Variants in RGSL1 observed in about 807,000 individuals in gnomAD.
RGSL1 encodes regulator of G protein signaling like 1.
RGSL1 carries 97 observed loss-of-function variants against 124.7 expected under a neutral mutation model. That is an observed-to-expected ratio of 0.78 (90% confidence interval 0.66 to 0.92). The LOEUF (loss-of-function observed/expected upper bound fraction) is 0.92. Ranked by LOEUF, RGSL1 falls within the 40% of genes least tolerant of loss-of-function variation. RGSL1 has a pLI of 0.00. For missense variants in RGSL1, 1,233 were observed against 1,288.4 expected, an observed-to-expected ratio of 0.96 and a Z score of 0.66; for synonymous variants, 424 against 438.1, an observed-to-expected ratio of 0.97 and a Z score of 0.40.
Position 182,543,314 on chromosome 1 carries a change from C to T in RGSL1, c.2669+2893C>T, listed in dbSNP as rs544256247. The stretch of plus-strand genomic sequence containing the variant: ...ATCATCTATTGAAATGATCATATGA[C>T]TCTTATTCTTGATTCTGTTAATGTG... On this transcript the variant is annotated intron_variant, in intron 15 of 21. Coordinates refer to ENST00000294854, the MANE Select transcript of RGSL1 (RefSeq NM_001137669.2). Among the ~76,000 whole-genome samples, 13 of 152,068 alleles carry T rather than the reference C, an allele frequency of 8.5e-5. No homozygotes were observed. The East Asian group carries it at 2.5e-3, about 29-fold the overall frequency.
At chr1:182,533,698 CAGGGTT>C (rs1659350121) in intron 14 of RGSL1, among the ~76,000 whole-genome samples, 1 of 152,134 alleles carries the variant, frequency 6.6e-6, no homozygotes, top group Non-Finnish European at 1.5e-5. Flanking sequence ...TTCTATTTCA[CAGGGTT>C]ATTAGAACTA....
rs1658851394 is a variant in RGSL1, at chr1:182,527,691, A to G, written c.2044A>G (p.Ser682Gly). 6.4e-7 allele frequency: 1 copy of G among 1,551,362 alleles called. No individual in the cohort carries two copies. The highest frequency in any genetic ancestry group is 2.0e-5 in the Admixed American group (1 of 50,982). ...ATTTCTCACAGCTGTACAGAAGATCAGTATAGAGACCAATGAAAAGATTTG... is the reference window on the plus strand; with the variant it reads ...ATTTCTCACAGCTGTACAGAAGATCGGTATAGAGACCAATGAAAAGATTTG... The part of the protein sequence containing the change: ...LQFLTAVQKI[S>G]IETNEKICKS... The change falls in exon 11 of 22, where the codon AGT becomes GGT. Residue 682 changes from serine (S) to glycine (G), a missense_variant. Ser to Gly is a moderately conservative substitution (Grantham distance 56, BLOSUM62 0). Coordinates refer to ENST00000294854, the MANE Select transcript of RGSL1 (RefSeq NM_001137669.2).
At position 182,474,273 on chromosome 1, in the gene RGSL1, C is replaced by G; in HGVS notation, c.1162C>G (p.Leu388Val). The change falls in exon 6 of 22, where the codon CTG (leucine) becomes GTG (valine). Residue 388 changes from leucine (L) to valine (V), a missense_variant. Leu to Val is a conservative substitution (Grantham distance 32). Transcript: ENST00000294854. ...TGCAGGGAACCCTTTCCGGGACCAC[C>G]TGAAGAAGCTGAATTTGAAAGTGGA... ...ACAGNPFRDH[L>V]KKLNLKVEIQ... 1 of 1,551,782 alleles carries G rather than the reference C, an allele frequency of 6.4e-7. No individual in the cohort carries two copies. The highest frequency in any genetic ancestry group is 8.7e-7 in the Non-Finnish European group (1 of 1,147,000).
Position 182,527,781 on chromosome 1 carries a change from C to A in RGSL1, c.2125+9C>A. 6.5e-7 allele frequency: 1 copy of A among 1,542,788 alleles called. No homozygotes were observed. The highest frequency in any genetic ancestry group is 8.8e-7 in the Non-Finnish European group (1 of 1,141,500). ...AGGCCAACTCTCTCCTGGTATGCATCCTCTTCTGATCCTGTTTTCTCTCTC... is the reference window on the plus strand; with the variant it reads ...AGGCCAACTCTCTCCTGGTATGCATACTCTTCTGATCCTGTTTTCTCTCTC... On this transcript the variant is annotated intron_variant, in intron 11 of 21. Coordinates refer to ENST00000294854, the MANE Select transcript of RGSL1 (RefSeq NM_001137669.2).
rs557422445 is a variant in RGSL1 at position 182,539,997 on chromosome 1, G to A, written c.2495-250G>A. Among the ~76,000 whole-genome samples, 3 of 152,288 alleles carry A rather than the reference G, an allele frequency of 2.0e-5. No individual in the cohort carries two copies. In the South Asian group the frequency reaches 6.2e-4, roughly 32 times the overall value. On this transcript the variant is annotated intron_variant, in intron 14 of 21. Coordinates refer to ENST00000294854, the MANE Select transcript of RGSL1 (RefSeq NM_001137669.2). Reference sequence around the variant, plus strand: ...TTAGGGATTAGCGTAACTGTGGTGTGCTTCTATTTCTATTAGATAAGCACC... The same window carrying A: ...TTAGGGATTAGCGTAACTGTGGTGTACTTCTATTTCTATTAGATAAGCACC...
chr1:182,532,093 C>T (rs1228459204), intron 13 of RGSL1, among the ~76,000 whole-genome samples: 2 of 152,118 alleles, frequency 1.3e-5, no homozygotes, highest in African/African-American at 4.8e-5. Flanking sequence ...CTTTCTGGCT[C>T]TAAGTATCAA....
intron 8 of RGSL1, among the ~76,000 whole-genome samples, chr1:182,490,879 C>A (rs1268024720): frequency 6.6e-6 from 1 of 151,890 alleles, no homozygotes; most frequent in Non-Finnish European, 1.5e-5. Flanking sequence ...TCAAGCTGTA[C>A]CCTAAACTCA....
At chr1:182,450,213 A>C (rs1571442088) in intron 1 of RGSL1, 35 bp downstream of exon 1, 2 of 1,551,660 alleles carry the variant, frequency 1.3e-6, no homozygotes, top group South Asian at 1.2e-5. Context: ...CAAGGCCTTG[A>C]GTCTCTCAAA....
intron 6 of RGSL1, among the ~76,000 whole-genome samples, chr1:182,485,217 T>C (rs1014057715): frequency 6.6e-6 from 1 of 152,196 alleles, no homozygotes; most frequent in Non-Finnish European, 1.5e-5. Context: ...GGTCCCCAGC[T>C]GATCCAGGCT....
chr1:182,488,277 G>C lies in RGSL1; in HGVS notation c.1432-8G>C. The C allele has an allele frequency of 6.4e-7, 1 of 1,552,092 alleles. No individual in the cohort carries two copies. The stretch of plus-strand genomic sequence containing the variant: ...CCTCATAATGCATATGCTGTGTTTG[G>C]TTTTCAGATGCTCAGTCCCTGGTAT... On this transcript the variant is annotated splice_polypyrimidine_tract_variant and splice_region_variant and intron_variant, in intron 6 of 21. Transcript: ENST00000294854.
intron 9 of RGSL1, among the ~76,000 whole-genome samples, chr1:182,506,042 G>T (rs1656784048): frequency 6.6e-6 from 1 of 152,120 alleles, no homozygotes; most frequent in South Asian, 2.1e-4. Flanking sequence ...ATTACATTGA[G>T]ACACCCTTGC....
At chr1:182,512,600 G>A (rs569168809) in intron 9 of RGSL1, among the ~76,000 whole-genome samples, 9 of 152,290 alleles carry the variant, frequency 5.9e-5, no homozygotes, top group African/African-American at 2.2e-4. Context: ...GCCCCAGTGT[G>A]TGTGCCACAG....
rs1300369493 is a variant in RGSL1, at chr1:182,460,654, G to C, written c.301+521G>C. 4 of 455,876 alleles carry C rather than the reference G, an allele frequency of 8.8e-6. No homozygotes were observed. In the Admixed American group the frequency reaches 9.4e-5, roughly 11 times the overall value. 28.2% of individuals were successfully genotyped at this position (455,876 alleles called of 1,614,324 possible). On this transcript the variant is annotated intron_variant, in intron 4 of 21. Coordinates refer to ENST00000294854, the MANE Select transcript of RGSL1 (RefSeq NM_001137669.2). Reference sequence around the variant, plus strand: ...AGAGTGAGCCTCTTAAAAAGTAATTGGTGGTGGTGCTGGAGGGACTCCCAG... The same window carrying C: ...AGAGTGAGCCTCTTAAAAAGTAATTCGTGGTGGTGCTGGAGGGACTCCCAG...
chr1:182,548,961 C>G, intron 17 of RGSL1, 137 bp downstream of exon 17: 1 of 1,037,496 alleles, frequency 9.6e-7, no homozygotes, highest in Non-Finnish European at 1.4e-6. Context: ...TTTTCAAAAT[C>G]CTATTCACCT....
At position 182,556,023 on chromosome 1, in the gene RGSL1, G is replaced by A. The variant is rs1308152135; in HGVS notation, c.3198-1G>A. ...TAACTGGCTGTTTTCTCTCCCTTCA[G>A]ACAAAAATTATCCTACATCAAAAAA... On this transcript the variant is annotated splice_acceptor_variant, in intron 20 of 21. Transcript: ENST00000294854. LOFTEE classifies it high-confidence loss of function. 2 of 1,551,340 alleles carry A rather than the reference G, an allele frequency of 1.3e-6. No homozygotes were observed. The highest frequency in any genetic ancestry group is 1.7e-6 in the Non-Finnish European group (2 of 1,146,696).
intron 13 of RGSL1, among the ~76,000 whole-genome samples, 156 bp from the exon 14 acceptor site, chr1:182,532,506 G>A (rs1659246078): frequency 6.6e-6 from 1 of 152,010 alleles, no homozygotes; most frequent in Non-Finnish European, 1.5e-5. Context: ...TCTCTAACCT[G>A]AGTTTCCTCA....
intron 9 of RGSL1, among the ~76,000 whole-genome samples, chr1:182,501,558 G>A (rs1267451259): frequency 6.6e-6 from 1 of 151,416 alleles, no homozygotes; most frequent in Non-Finnish European, 1.5e-5. Flanking sequence ...ACCTCAAGTG[G>A]TCCTCCTGCC....
chr1:182,473,429 A>T, intron 5 of RGSL1, 146 bp from the exon 6 acceptor site: 1 of 885,002 alleles, frequency 1.1e-6, no homozygotes, highest in Non-Finnish European at 1.6e-6. Context: ...CTCTATATTT[A>T]AACTATTCAT....
chr1:182,454,381 C>CT (rs1170527706), intron 2 of RGSL1, among the ~76,000 whole-genome samples: 11 of 152,194 alleles, frequency 7.2e-5, no homozygotes, highest in Non-Finnish European at 1.5e-4. Flanking sequence ...ATTCCCCCAC[C>CT]TCTGAACCTC....
Sources: allele counts gnomAD v4.1 joint callset (sites outside exome capture counted in the v4.1 genomes callset), GRCh38; gene constraint gnomAD v4.1.1; transcripts MANE v1.5; gene names NCBI Gene and HGNC (gene_info 2026-07-23, HGNC 2026-07-21).